GPC6: variants seen among roughly 807,000 people sequenced by gnomAD.
GPC6 encodes the protein glypican 6.
In GPC6, 14 loss-of-function variants were observed where a neutral mutation model predicts 55.2. The observed-to-expected ratio is 0.25, with a 90% confidence interval of 0.17 to 0.40. The LOEUF (loss-of-function observed/expected upper bound fraction) is 0.40. Among genes scored for constraint, GPC6 ranks in the 10% least tolerant of loss-of-function variants. The probability of loss-of-function intolerance (pLI) is 1.00; values close to 1 mark genes in which losing one functional copy is unlikely to be tolerated. For missense variants in GPC6, 641 were observed against 708.5 expected (o/e 0.90, Z 1.08); for synonymous variants, 278 against 259.6 (o/e 1.07, Z -0.68).
chr13:94,105,899 T>C (rs1315347050), intron 4 of GPC6, among the ~76,000 whole-genome samples: 3 of 152,040 alleles, frequency 2.0e-5, no homozygotes, highest in Non-Finnish European at 4.4e-5. Flanking sequence ...CTGCTAAGCA[T>C]CCTACATTGA....
intron 2 of GPC6, among the ~76,000 whole-genome samples, chr13:93,619,970 G>A (rs1041036809): frequency 2.2e-4 from 33 of 152,146 alleles, no homozygotes; most frequent in African/African-American, 7.9e-4. Flanking sequence ...CACTATGTCT[G>A]TGATACAGAT....
chr13:93,935,231 C>A (rs1878373792), intron 3 of GPC6, among the ~76,000 whole-genome samples: 1 of 151,940 alleles, frequency 6.6e-6, no homozygotes. Flanking sequence ...AACATTGTAC[C>A]CAAAAGATAA....
intron 4 of GPC6, among the ~76,000 whole-genome samples, chr13:94,211,032 A>G (rs1053437182): frequency 1.3e-5 from 2 of 152,210 alleles, no homozygotes; most frequent in Admixed American, 6.5e-5. Context: ...GCTGAAACAG[A>G]CAAGACTAGG....
intron 1 of GPC6, among the ~76,000 whole-genome samples, chr13:93,494,507 A>C (rs978843319): frequency 1.1e-4 from 16 of 152,108 alleles, no homozygotes; most frequent in East Asian, 3.9e-4. Context: ...TTAATTGGAG[A>C]ATTTAGTCCA....
chr13:93,494,899 G>A (rs369916401), intron 1 of GPC6, among the ~76,000 whole-genome samples: 3 of 148,488 alleles, frequency 2.0e-5, no homozygotes, highest in Admixed American at 1.4e-4. Context: ...ATCCGCTGTT[G>A]GTCTGATGGG....
At chr13:93,314,752 T>TGC (rs1381268186) in intron 1 of GPC6, among the ~76,000 whole-genome samples, 1,570 of 148,390 alleles carry the variant, frequency 0.011, 86 homozygotes, top group Admixed American at 0.051. Context: ...TGTGTGTGTG[T>TGC]GTGTGCACGC....
chr13:93,680,031 A>G (rs1185984559), intron 2 of GPC6, among the ~76,000 whole-genome samples: 1 of 152,180 alleles, frequency 6.6e-6, no homozygotes, highest in Admixed American at 6.6e-5. Flanking sequence ...AATAGAAACA[A>G]GGGACTCTTA....
intron 2 of GPC6, among the ~76,000 whole-genome samples, chr13:93,678,441 A>G (rs1364709856): frequency 2.0e-5 from 3 of 152,174 alleles, no homozygotes; most frequent in Non-Finnish European, 4.4e-5. Flanking sequence ...AGTAGTTGTA[A>G]CACCTGCTAT....
At chr13:94,147,774 T>C (rs1055082895) in intron 4 of GPC6, among the ~76,000 whole-genome samples, 8 of 152,106 alleles carry the variant, frequency 5.3e-5, no homozygotes, top group Admixed American at 2.0e-4. Context: ...CTTCCACATG[T>C]GTTCTAAGTG....
chr13:93,742,580 G>A (rs1884245109), intron 2 of GPC6, among the ~76,000 whole-genome samples: 1 of 152,228 alleles, frequency 6.6e-6, no homozygotes, highest in Admixed American at 6.5e-5. Context: ...TGATGGAACA[G>A]TTGTCTCCGG....
At chr13:94,367,071 C>A (rs1043980880) in intron 6 of GPC6, among the ~76,000 whole-genome samples, 7 of 152,140 alleles carry the variant, frequency 4.6e-5, no homozygotes, top group African/African-American at 1.7e-4. Flanking sequence ...GCAACAAATC[C>A]CAAGTCCTCC....
At chr13:93,694,803 T>C (rs1356191646) in intron 2 of GPC6, among the ~76,000 whole-genome samples, 1 of 152,154 alleles carries the variant, frequency 6.6e-6, no homozygotes, top group East Asian at 1.9e-4. Flanking sequence ...TTGACTTAAC[T>C]AACACTTGAT....
At chr13:94,114,015 T>TAAA (rs781286249) in intron 4 of GPC6, among the ~76,000 whole-genome samples, 1,382 of 37,418 alleles carry the variant, frequency 0.037, 167 homozygotes, top group African/African-American at 0.15. Context: ...AGACTCTGTC[T>TAAA]AAAAAAAAAA....
intron 4 of GPC6, among the ~76,000 whole-genome samples, chr13:94,214,886 C>T (rs1424335687): frequency 6.6e-6 from 1 of 152,176 alleles, no homozygotes; most frequent in East Asian, 1.9e-4. Context: ...AAACTGTTTT[C>T]AGCACTTGGG....
At chr13:94,172,809 C>T (rs1390927272) in intron 4 of GPC6, among the ~76,000 whole-genome samples, 1 of 152,146 alleles carries the variant, frequency 6.6e-6, no homozygotes, top group Non-Finnish European at 1.5e-5. Flanking sequence ...GCCTACGGAG[C>T]TCTTAATCAA....
intron 2 of GPC6, among the ~76,000 whole-genome samples, chr13:93,547,101 C>G (rs989032861): frequency 6.7e-6 from 1 of 149,662 alleles, no homozygotes; most frequent in African/African-American, 2.5e-5. Flanking sequence ...GAGGCTGAGG[C>G]GGGTGGATCA....
chr13:94,158,408 G>T (rs1287557660), intron 4 of GPC6, among the ~76,000 whole-genome samples: 1 of 147,644 alleles, frequency 6.8e-6, no homozygotes, highest in African/African-American at 2.5e-5. Flanking sequence ...AATCTGAGAA[G>T]AAAAAGATGA....
At chr13:93,547,977 G>T (rs9524126) in intron 2 of GPC6, among the ~76,000 whole-genome samples, 18,254 of 152,028 alleles carry the variant, frequency 0.12, 1,334 homozygotes, top group East Asian at 0.29. Context: ...TTTTCCATTT[G>T]TTCCTTTCTT....
chr13:93,909,469 C>CA (rs1046424169), intron 3 of GPC6, among the ~76,000 whole-genome samples: 22 of 150,270 alleles, frequency 1.5e-4, no homozygotes, highest in Admixed American at 4.6e-4. Context: ...TGGTAACTAT[C>CA]AAAAAAAAAG....
Sources: gnomAD v4.1 joint callset for allele counts (sites outside exome capture counted in the v4.1 genomes callset) on GRCh38, gnomAD v4.1.1 for gene constraint, MANE v1.5 for transcripts, NCBI Gene and HGNC (gene_info 2026-07-23, HGNC 2026-07-21) for gene names.